DPP6: variants seen among roughly 807,000 people sequenced by gnomAD.
The protein encoded by DPP6 is A-type potassium channel modulatory protein DPP6.
Under a neutral mutation model 122.6 loss-of-function variants are expected in DPP6, and 69 were observed. The observed-to-expected ratio is 0.56, with a 90% confidence interval of 0.46 to 0.69. DPP6 has a LOEUF of 0.69. Ranked by LOEUF, DPP6 falls within the 30% of genes least tolerant of loss-of-function variation. DPP6 has a pLI of 0.00. For synonymous variants in DPP6, 418 were observed against 433.1 expected (o/e 0.97, Z 0.43); for missense variants, 928 against 1,116.9 (o/e 0.83, Z 2.41).
At chr7:153,756,591 T>G in the DPP6 span, among the ~76,000 whole-genome samples, 1 of 152,260 alleles carries the variant, frequency 6.6e-6, no homozygotes, top group Non-Finnish European at 1.5e-5. Flanking sequence ...TCATAACTTT[T>G]CTTATCCACC....
chr7:154,289,283 G>T (rs1427242287), intron 1 of DPP6, among the ~76,000 whole-genome samples: 1 of 152,178 alleles, frequency 6.6e-6, no homozygotes, highest in Non-Finnish European at 1.5e-5. Context: ...CACTCCCAGG[G>T]TTGCGTGGGA....
At chr7:154,354,929 A>G (rs1811153146) in intron 1 of DPP6, among the ~76,000 whole-genome samples, 1 of 152,164 alleles carries the variant, frequency 6.6e-6, no homozygotes, top group Non-Finnish European at 1.5e-5. Context: ...TCTGCCAGAG[A>G]TTTCCAGAGT....
intron 17 of DPP6, chr7:154,858,381 C>T (rs1274242723): frequency 6.6e-6 from 1 of 152,284 alleles, no homozygotes; most frequent in Non-Finnish European, 1.5e-5. Flanking sequence ...AGAGCCTGTT[C>T]TTCCAGACAT....
At chr7:154,559,977 A>G (rs1043744402) in intron 4 of DPP6, among the ~76,000 whole-genome samples, 25 of 148,124 alleles carry the variant, frequency 1.7e-4, no homozygotes, top group East Asian at 7.8e-4. Context: ...AAAGATATAG[A>G]CATATATAAA....
intron 1 of DPP6, among the ~76,000 whole-genome samples, chr7:153,964,048 T>C (rs911106397): frequency 4.6e-5 from 7 of 152,172 alleles, no homozygotes; most frequent in Non-Finnish European, 1.0e-4. Context: ...CAACCTGGAT[T>C]GCAGTGGTGC....
At chr7:154,325,779 T>C (rs1378874888) in intron 1 of DPP6, among the ~76,000 whole-genome samples, 1 of 152,238 alleles carries the variant, frequency 6.6e-6, no homozygotes, top group Non-Finnish European at 1.5e-5. Flanking sequence ...AAGACACTTA[T>C]ATTTTCTGTC....
chr7:154,553,909 A>G (rs1011630917), intron 4 of DPP6, among the ~76,000 whole-genome samples: 159 of 148,572 alleles, frequency 1.1e-3, no homozygotes, highest in African/African-American at 4.0e-3. Flanking sequence ...TGCCAAAAAA[A>G]AAAAAAAAAA....
chr7:153,904,214 G>C (rs1799753415), intron 1 of DPP6, among the ~76,000 whole-genome samples: 1 of 152,078 alleles, frequency 6.6e-6, no homozygotes, highest in African/African-American at 2.4e-5. Context: ...ACTATGCCTG[G>C]CTAATTTTTG....
the DPP6 span, among the ~76,000 whole-genome samples, chr7:153,866,571 T>A: frequency 6.6e-6 from 1 of 152,230 alleles, no homozygotes; most frequent in African/African-American, 2.4e-5. Context: ...ATGAGTAGGT[T>A]GCAAAAATTT....
chr7:154,298,910 C>T (rs1352620015), intron 1 of DPP6, among the ~76,000 whole-genome samples: 1 of 152,218 alleles, frequency 6.6e-6, no homozygotes, highest in East Asian at 1.9e-4. Flanking sequence ...CTCTGGTCTG[C>T]GTTCTCATCC....
chr7:154,141,363 C>T (rs1332804518), intron 1 of DPP6, among the ~76,000 whole-genome samples: 1 of 152,208 alleles, frequency 6.6e-6, no homozygotes, highest in Non-Finnish European at 1.5e-5. Flanking sequence ...CGACTCCCAT[C>T]ACTGCACAGG....
intron 1 of DPP6, among the ~76,000 whole-genome samples, chr7:154,136,781 AT>A (rs1355668936): frequency 6.6e-6 from 1 of 152,256 alleles, no homozygotes; most frequent in African/African-American, 2.4e-5. Flanking sequence ...CAGATTGATA[AT>A]TTAGGTAGAG....
chr7:154,104,064 C>G lies in DPP6; in HGVS notation c.243+51001C>G, dbSNP rs561260423. Among the ~76,000 whole-genome samples, 8 of 152,374 alleles carry G rather than the reference C, an allele frequency of 5.3e-5. No homozygotes were observed. In the East Asian group the frequency reaches 1.5e-3, roughly 29 times the overall value. The stretch of plus-strand genomic sequence containing the variant: ...CCGTTTCATATACACATACATCCCA[C>G]AGATCTGTCCCTCTGGAGATTCCTG... On this transcript the variant is annotated intron_variant, in intron 1 of 25. Coordinates refer to ENST00000377770, the MANE Select transcript of DPP6 (RefSeq NM_130797.4).
chr7:154,525,219 T>C (rs752903140), intron 3 of DPP6, among the ~76,000 whole-genome samples: 5 of 152,204 alleles, frequency 3.3e-5, no homozygotes, highest in African/African-American at 4.8e-5. Flanking sequence ...TCATAGCTCA[T>C]TGCAGCCTCA....
chr7:154,092,947 G>A (rs1313574288), intron 1 of DPP6: 1 of 152,052 alleles, frequency 6.6e-6, no homozygotes, highest in Non-Finnish European at 1.5e-5. Context: ...TCGTGAGCTT[G>A]CGTCTCCTTG....
At chr7:154,063,439 A>AGG in intron 1 of DPP6, among the ~76,000 whole-genome samples, 1 of 89,258 alleles carries the variant, frequency 1.1e-5, no homozygotes, top group East Asian at 3.7e-4. Flanking sequence ...CCCCATCGCA[A>AGG]GGGGGGGAGG....
Position 154,060,217 on chromosome 7 carries a change from C to T in DPP6, c.243+7154C>T, listed in dbSNP as rs375406434. 1.8e-3 allele frequency among the ~76,000 whole-genome samples: 258 copies of T among 143,564 alleles called. 5 individuals are homozygous for T. The East Asian group carries it at 0.048, about 27-fold the overall frequency. 94.2% of individuals were successfully genotyped at this position (143,564 alleles called of 152,430 possible). ...CGGGGACTGAGAGCGAGCCCCTCTT[C>T]CCCCCTTTGCTCTTAGGATCCCCAT... On this transcript the variant is annotated intron_variant, in intron 1 of 25. Coordinates refer to ENST00000377770, the MANE Select transcript of DPP6 (RefSeq NM_130797.4).
At chr7:154,459,715 G>T (rs1170633981) in intron 2 of DPP6, among the ~76,000 whole-genome samples, 1 of 148,938 alleles carries the variant, frequency 6.7e-6, no homozygotes, top group African/African-American at 2.5e-5. Context: ...TACTTGGGAG[G>T]CTGAGGCAGG....
At chr7:154,395,200 G>A (rs1303100434) in intron 1 of DPP6, among the ~76,000 whole-genome samples, 3 of 152,162 alleles carry the variant, frequency 2.0e-5, no homozygotes, top group Admixed American at 2.0e-4. Context: ...CCTTTTGTAA[G>A]GTCTCTAATC....
Sources: allele counts gnomAD v4.1 joint callset (sites outside exome capture counted in the v4.1 genomes callset), GRCh38; gene constraint gnomAD v4.1.1; transcripts MANE v1.5; gene names NCBI Gene and HGNC (gene_info 2026-07-23, HGNC 2026-07-21).